VPS13B: variants seen among roughly 807,000 people sequenced by gnomAD.
VPS13B encodes the protein intermembrane lipid transfer protein VPS13B.
VPS13B carries 285 observed loss-of-function variants against 426.4 expected under a neutral mutation model. The observed-to-expected ratio is 0.67, with a 90% CI of 0.61 to 0.74. The LOEUF is 0.74. Among genes scored for constraint, VPS13B ranks in the 30% least tolerant of loss-of-function variants. The pLI is 0.00. For synonymous variants in VPS13B, 1,676 were observed against 1,676.4 expected (o/e 1.00, Z 0.01); for missense variants, 4,537 against 4,782.6 (o/e 0.95, Z 1.51).
At chr8:99,230,100 A>G (rs1349725907) in intron 17 of VPS13B, among the ~76,000 whole-genome samples, 2 of 152,126 alleles carry the variant, frequency 1.3e-5, no homozygotes, top group Non-Finnish European at 2.9e-5. Context: ...CTTTTAAGTA[A>G]CTATTACTGA....
intron 2 of VPS13B, 99 bp from the exon 3 acceptor site, chr8:99,038,324 C>A (rs1022367214): frequency 1.9e-4 from 186 of 986,106 alleles, no homozygotes; most frequent in Non-Finnish European, 2.2e-4. Context: ...TCTGAATATT[C>A]TTGTGTTGGA....
chr8:99,144,295 C>G (rs549621738), intron 13 of VPS13B, among the ~76,000 whole-genome samples: 2 of 151,360 alleles, frequency 1.3e-5, no homozygotes, highest in Middle Eastern at 3.4e-3. Context: ...AGTTTGAGAC[C>G]AACTTGGGCA....
At chr8:99,565,103 G>A (rs1825119322) in intron 31 of VPS13B, among the ~76,000 whole-genome samples, 1 of 152,082 alleles carries the variant, frequency 6.6e-6, no homozygotes. Context: ...GTACCACTAA[G>A]TCTTAATTCT....
chr8:99,809,392 T>C lies in VPS13B; in HGVS notation c.7959T>C (p.Ile2653=). Reference sequence around the variant, plus strand: ...TTCTCCAGCTGTTACACATCTGTATTGAAGGTTGGGGCAACTGGCGTTGGT... The same window carrying C: ...TTCTCCAGCTGTTACACATCTGTATCGAAGGTTGGGGCAACTGGCGTTGGT... The part of the protein sequence containing the change: ...HKSPQLLHIC[I]EGWGNWRWSE... Residue 2653 remains isoleucine, a synonymous_variant, in exon 44 of 62, where the codon ATT becomes ATC. Coordinates refer to ENST00000357162, the MANE Select transcript of VPS13B (RefSeq NM_152564.5). The C allele has an allele frequency of 1.9e-6, 3 of 1,613,990 alleles. No individual in the cohort carries two copies. Among genetic ancestry groups the C allele is most frequent in the African/African-American group, 1.3e-5 (1 of 75,036 alleles).
chr8:99,540,005 T>A (rs1191032101), intron 30 of VPS13B, among the ~76,000 whole-genome samples: 9 of 113,770 alleles, frequency 7.9e-5, no homozygotes. Context: ...TATAAATATA[T>A]AAATAAATTA....
At chr8:99,867,456 G>C (rs546744922) in intron 58 of VPS13B, among the ~76,000 whole-genome samples, 1 of 152,300 alleles carries the variant, frequency 6.6e-6, no homozygotes, top group Non-Finnish European at 1.5e-5. Context: ...TCTAAGTGAG[G>C]AGTAAGTGGC....
intron 3 of VPS13B, among the ~76,000 whole-genome samples, chr8:99,041,745 C>T (rs937526016): frequency 1.3e-5 from 2 of 151,128 alleles, no homozygotes; most frequent in Admixed American, 1.3e-4. Context: ...CCCAGCTACT[C>T]GGGAGGCTGA....
intron 19 of VPS13B, among the ~76,000 whole-genome samples, chr8:99,301,675 G>T (rs1643552710): frequency 6.6e-6 from 1 of 152,160 alleles, no homozygotes; most frequent in Non-Finnish European, 1.5e-5. Context: ...AATTGTAGAT[G>T]ATATATCAAA....
At chr8:99,640,049 G>GAAGAAGAAGAGAAA (rs1299280170) in intron 33 of VPS13B, among the ~76,000 whole-genome samples, 40 of 99,704 alleles carry the variant, frequency 4.0e-4, no homozygotes, top group African/African-American at 1.5e-3. Flanking sequence ...AGAAGAAGAA[G>GAAGAAGAAGAGAAA]AGAAAAGAAA....
At chr8:99,745,921 C>T (rs944743137) in intron 39 of VPS13B, among the ~76,000 whole-genome samples, 5 of 151,906 alleles carry the variant, frequency 3.3e-5, no homozygotes, top group African/African-American at 9.7e-5. Flanking sequence ...TATATTTTTC[C>T]CCTATTGTCT....
chr8:99,481,464 C>A, intron 24 of VPS13B, 135 bp from the exon 25 acceptor site: 2 of 935,870 alleles, frequency 2.1e-6, no homozygotes, highest in Non-Finnish European at 1.7e-6. Flanking sequence ...TTAAAGTGAT[C>A]AGTGATGCAT....
At chr8:99,430,251 T>C (rs748438513) in intron 21 of VPS13B, among the ~76,000 whole-genome samples, 1 of 152,058 alleles carries the variant, frequency 6.6e-6, no homozygotes, top group Non-Finnish European at 1.5e-5. Context: ...TTAACCAAGT[T>C]AGGGGGAGAG....
intron 33 of VPS13B, among the ~76,000 whole-genome samples, chr8:99,629,256 G>A (rs1236921531): frequency 6.6e-6 from 1 of 152,178 alleles, no homozygotes; most frequent in Non-Finnish European, 1.5e-5. Flanking sequence ...TGTTGGCATT[G>A]TTGCTTTAAA....
At chr8:99,783,943 A>T (rs1179673274) in intron 42 of VPS13B, among the ~76,000 whole-genome samples, 1 of 152,186 alleles carries the variant, frequency 6.6e-6, no homozygotes, top group African/African-American at 2.4e-5. Flanking sequence ...AGCTGGGAAC[A>T]TGGTAATTCT....
At chr8:99,602,545 A>G (rs375334602) in intron 33 of VPS13B, among the ~76,000 whole-genome samples, 15 of 152,160 alleles carry the variant, frequency 9.9e-5, no homozygotes, top group Admixed American at 3.3e-4. Flanking sequence ...CAATCAGGCA[A>G]GAGAAAGAAA....
chr8:99,589,644 C>A (rs202058435), intron 33 of VPS13B, among the ~76,000 whole-genome samples: 2 of 150,356 alleles, frequency 1.3e-5, no homozygotes, highest in Non-Finnish European at 2.9e-5. Flanking sequence ...TTTGCTATTG[C>A]GAATAGTGCC....
At chr8:99,429,975 GC>G (rs2133407104) in intron 21 of VPS13B, among the ~76,000 whole-genome samples, 1 of 152,110 alleles carries the variant, frequency 6.6e-6, no homozygotes, top group South Asian at 2.1e-4. Flanking sequence ...CTCTGCTGAA[GC>G]CATCTTTGCC....
intron 3 of VPS13B, among the ~76,000 whole-genome samples, chr8:99,044,510 T>C (rs1843120625): frequency 6.6e-6 from 1 of 152,080 alleles, no homozygotes; most frequent in Admixed American, 6.6e-5. Context: ...AATTTTTTTA[T>C]TTCTATAGGT....
chr8:99,236,056 G>T (rs564262247), intron 17 of VPS13B, among the ~76,000 whole-genome samples: 8 of 152,240 alleles, frequency 5.3e-5, no homozygotes, highest in African/African-American at 1.7e-4. Context: ...ATTAACTGTG[G>T]TTTAATATGT....
Sources: gnomAD v4.1 joint callset for allele counts (sites outside exome capture counted in the v4.1 genomes callset) on GRCh38, gnomAD v4.1.1 for gene constraint, MANE v1.5 for transcripts, NCBI Gene and HGNC (gene_info 2026-07-23, HGNC 2026-07-21) for gene names.